Variants in NBEA observed in about 807,000 individuals in gnomAD.
The protein encoded by NBEA is neurobeachin, also known as lysosomal-trafficking regulator 2.
Under a neutral mutation model 343.4 loss-of-function variants are expected in NBEA, and 44 were observed. The ratio of observed to expected loss-of-function variants is 0.13; its 90% CI spans 0.10 to 0.16. The LOEUF is 0.16. Ranked by LOEUF, NBEA falls within the 10% of genes least tolerant of loss-of-function variation. The probability of loss-of-function intolerance (pLI) is 1.00; values close to 1 mark genes in which losing one functional copy is unlikely to be tolerated. For missense variants in NBEA, 2,555 were observed against 3,631.3 expected, an observed-to-expected ratio of 0.70 and a Z score of 7.62; for synonymous variants, 1,175 against 1,238.7, an observed-to-expected ratio of 0.95 and a Z score of 1.08.
At chr13:35,478,063 C>G (rs185644529) in intron 41 of NBEA, among the ~76,000 whole-genome samples, 1 of 152,224 alleles carries the variant, frequency 6.6e-6, no homozygotes, top group East Asian at 1.9e-4. Context: ...TCCTATAACT[C>G]CCGGTAACAT....
intron 47 of NBEA, among the ~76,000 whole-genome samples, chr13:35,603,916 T>G (rs985393362): frequency 6.6e-6 from 1 of 152,248 alleles, no homozygotes; most frequent in African/African-American, 2.4e-5. Context: ...TTCCTCATGT[T>G]TTCCCAAAGA....
rs573146978 is a variant in NBEA at position 34,961,021 on chromosome 13, G to A, written c.294+17907G>A. On this transcript the variant is annotated intron_variant, in intron 1 of 58. Transcript: ENST00000379939. ...CCAAACTCTGAAATAAATTGAAGATGACCTGGCTGGAAAATATAGGATATA... is the reference window on the plus strand; with the variant it reads ...CCAAACTCTGAAATAAATTGAAGATAACCTGGCTGGAAAATATAGGATATA... Among the ~76,000 whole-genome samples the A allele has an allele frequency of 4.6e-5, 7 of 152,126 alleles. No individual in the cohort carries two copies. In the South Asian group the frequency reaches 1.0e-3, roughly 23 times the overall value.
chr13:35,232,095 T>G (rs929671020), intron 33 of NBEA, among the ~76,000 whole-genome samples: 1 of 152,160 alleles, frequency 6.6e-6, no homozygotes, highest in African/African-American at 2.4e-5. Flanking sequence ...AGGTAATACC[T>G]CCTTGAGAGC....
chr13:35,517,707 A>G (rs1020238757), intron 41 of NBEA, among the ~76,000 whole-genome samples: 1 of 152,174 alleles, frequency 6.6e-6, no homozygotes, highest in African/African-American at 2.4e-5. Flanking sequence ...TATTTCTCAC[A>G]TCTTTGAATC....
At chr13:35,085,769 A>G (rs1448561025) in intron 10 of NBEA, among the ~76,000 whole-genome samples, 2 of 152,124 alleles carry the variant, frequency 1.3e-5, no homozygotes, top group African/African-American at 2.4e-5. Context: ...AGGGTATTCA[A>G]TTAGGAAAAG....
intron 35 of NBEA, among the ~76,000 whole-genome samples, chr13:35,303,116 C>CA (rs2036661832): frequency 6.6e-6 from 1 of 151,880 alleles, no homozygotes; most frequent in South Asian, 2.1e-4. Context: ...CAGAGGAGAA[C>CA]AAAAAAATCT....
intron 58 of NBEA, among the ~76,000 whole-genome samples, chr13:35,668,811 T>C (rs1383624753): frequency 3.9e-5 from 6 of 152,212 alleles, no homozygotes; most frequent in African/African-American, 1.4e-4. Flanking sequence ...TGTTCTCAGG[T>C]TCCTGCCTAG....
rs117236416 is a variant in NBEA, at chr13:34,981,119, C to T, written c.294+38005C>T. Reference sequence around the variant, plus strand: ...CAGCCTAAGGCAACTACCGATTTACCCTCTCCATGTTTGCCTTTTCTTGAC... The same window carrying T: ...CAGCCTAAGGCAACTACCGATTTACTCTCTCCATGTTTGCCTTTTCTTGAC... On this transcript the variant is annotated intron_variant, in intron 1 of 58. Coordinates refer to ENST00000379939, the MANE Select transcript of NBEA (RefSeq NM_001385012.1). 3.0e-3 allele frequency among the ~76,000 whole-genome samples: 451 copies of T among 152,214 alleles called. 21 individuals are homozygous for T. The East Asian group carries it at 0.08, about 27-fold the overall frequency.
intron 22 of NBEA, among the ~76,000 whole-genome samples, chr13:35,161,476 TG>T (rs2069554963): frequency 6.6e-6 from 1 of 152,176 alleles, no homozygotes; most frequent in Non-Finnish European, 1.5e-5. Context: ...TAAAGGGGTC[TG>T]GTTTTCAGTG....
intron 38 of NBEA, among the ~76,000 whole-genome samples, chr13:35,358,295 G>A (rs2040611344): frequency 6.6e-6 from 1 of 151,732 alleles, no homozygotes; most frequent in South Asian, 2.1e-4. Flanking sequence ...CAGTACTGGG[G>A]TTATAGGAGT....
chr13:35,088,657 C>CT (rs201929373), intron 10 of NBEA, among the ~76,000 whole-genome samples: 3 of 151,810 alleles, frequency 2.0e-5, no homozygotes, highest in Non-Finnish European at 4.4e-5. Flanking sequence ...AGTATACAAA[C>CT]TTTTTTTAAA....
Position 35,671,336 on chromosome 13 carries a change from G to T in NBEA, c.*345G>T. 1 of 162,330 alleles carries T rather than the reference G, an allele frequency of 6.2e-6. No homozygotes were observed. The highest frequency in any genetic ancestry group is 1.3e-5 in the Non-Finnish European group (1 of 75,128). The allele number at this position is 162,330 out of a possible 1,614,324, so 10.1% of individuals were successfully genotyped here. On this transcript the variant is annotated 3_prime_UTR_variant, in exon 59 of 59. Coordinates refer to ENST00000379939, the MANE Select transcript of NBEA (RefSeq NM_001385012.1). ...GAACCTTGTGTCCAGTTGTTACAAA[G>T]TTTAAGCTTTGAACCTAACCTGCAT... is the stretch of plus-strand genomic sequence containing the variant.
chr13:35,408,150 C>G (rs867401507), intron 38 of NBEA, among the ~76,000 whole-genome samples: 10 of 151,990 alleles, frequency 6.6e-5, no homozygotes, highest in South Asian at 2.1e-4. Flanking sequence ...ATGGTGGGTA[C>G]AAAAACAGAC....
intron 36 of NBEA, among the ~76,000 whole-genome samples, chr13:35,336,579 T>TG (rs56669302): frequency 0.11 from 17,434 of 152,052 alleles, 1,208 homozygotes; most frequent in East Asian, 0.22. Flanking sequence ...CATGCAAATG[T>TG]TCACTGCAGC....
At chr13:35,269,227 T>A (rs2033936918) in intron 34 of NBEA, among the ~76,000 whole-genome samples, 1 of 152,148 alleles carries the variant, frequency 6.6e-6, no homozygotes, top group Non-Finnish European at 1.5e-5. Context: ...TTAAACATTG[T>A]TTTCTCATTT....
chr13:35,432,985 T>A (rs927057234), intron 39 of NBEA, among the ~76,000 whole-genome samples: 1 of 152,114 alleles, frequency 6.6e-6, no homozygotes, highest in African/African-American at 2.4e-5. Flanking sequence ...GAATTTAAAA[T>A]CTTGTTATAA....
intron 41 of NBEA, among the ~76,000 whole-genome samples, chr13:35,477,982 G>A (rs2075953057): frequency 6.6e-6 from 1 of 152,118 alleles, no homozygotes; most frequent in Non-Finnish European, 1.5e-5. Context: ...TTAAAACTAG[G>A]TGGATTTTTT....
chr13:35,567,557 A>G (rs1208896045), intron 45 of NBEA, among the ~76,000 whole-genome samples: 1 of 152,222 alleles, frequency 6.6e-6, no homozygotes, highest in Non-Finnish European at 1.5e-5. Context: ...TCCAGAGGAA[A>G]CTACAGTGTG....
chr13:35,554,951 A>G (rs1470865030), intron 43 of NBEA, 36 bp from the exon 44 acceptor site: 5 of 1,092,266 alleles, frequency 4.6e-6, no homozygotes, highest in South Asian at 4.5e-5. Flanking sequence ...TATGAATTAA[A>G]GAGACTATGT....
Sources: allele counts gnomAD v4.1 joint callset (sites outside exome capture counted in the v4.1 genomes callset), GRCh38; gene constraint gnomAD v4.1.1; transcripts MANE v1.5; gene names NCBI Gene and HGNC (gene_info 2026-07-23, HGNC 2026-07-21).